The following SSH2 variants were observed in gnomAD, a reference collection of about 807,000 sequenced individuals.
SSH2 encodes protein phosphatase Slingshot homolog 2.
A neutral mutation model predicts 135.2 loss-of-function variants in SSH2; 37 were observed. The observed-to-expected ratio is 0.27, with a 90% CI of 0.21 to 0.36. The LOEUF is 0.36. Ranked by LOEUF, SSH2 falls within the 10% of genes least tolerant of loss-of-function variation. SSH2 has a pLI of 1.00. For synonymous variants in SSH2, 628 were observed against 646.2 expected, an observed-to-expected ratio of 0.97 and a Z score of 0.43; for missense variants, 1,408 against 1,765.3, an observed-to-expected ratio of 0.80 and a Z score of 3.63.
At chr17:29,913,695 C>T (rs1043151694) in intron 1 of SSH2, among the ~76,000 whole-genome samples, 9 of 151,058 alleles carry the variant, frequency 6.0e-5, no homozygotes, top group African/African-American at 2.2e-4. Flanking sequence ...AGTACAATGG[C>T]GCAATCTCGG....
chr17:29,848,469 T>C (rs1202256753), intron 2 of SSH2, among the ~76,000 whole-genome samples: 1 of 151,962 alleles, frequency 6.6e-6, no homozygotes, highest in Non-Finnish European at 1.5e-5. Flanking sequence ...GCAGCACCAA[T>C]ACCAAGCAGT....
chr17:29,867,623 A>G (rs2065875330), intron 1 of SSH2, among the ~76,000 whole-genome samples: 1 of 152,226 alleles, frequency 6.6e-6, no homozygotes, highest in Non-Finnish European at 1.5e-5. Flanking sequence ...CATCTGAAGA[A>G]AAGAAGACAC....
intron 2 of SSH2, among the ~76,000 whole-genome samples, chr17:29,809,071 T>C (rs967488202): frequency 2.0e-5 from 3 of 152,136 alleles, no homozygotes; most frequent in Non-Finnish European, 2.9e-5. Flanking sequence ...CTGGCCAACA[T>C]GGCAAAACTT....
intron 3 of SSH2, among the ~76,000 whole-genome samples, chr17:29,793,216 T>C (rs2042102028): frequency 6.6e-6 from 1 of 152,158 alleles, no homozygotes; most frequent in Non-Finnish European, 1.5e-5. Flanking sequence ...CTCACAATTG[T>C]TTTCTTTTAA....
At chr17:29,852,597 G>A (rs988210029) in intron 1 of SSH2, among the ~76,000 whole-genome samples, 1 of 151,270 alleles carries the variant, frequency 6.6e-6, no homozygotes, top group South Asian at 2.1e-4. Flanking sequence ...TGTCATCCAG[G>A]CTGGAGTACA....
intron 4 of SSH2, among the ~76,000 whole-genome samples, chr17:29,699,826 T>C (rs996382190): frequency 2.0e-5 from 3 of 152,154 alleles, no homozygotes; most frequent in African/African-American, 7.2e-5. Flanking sequence ...TTCAAGTTTT[T>C]TGGGGAAGTG....
chr17:29,714,866 T>G, intron 3 of SSH2, among the ~76,000 whole-genome samples: 1 of 152,072 alleles, frequency 6.6e-6, no homozygotes, highest in Non-Finnish European at 1.5e-5. Context: ...TTCTTTCTTT[T>G]TTTCTTTTTT....
Position 29,793,878 on chromosome 17 carries a change from T to C in SSH2, c.188+16A>G. ...CCTACAACAAAAATGCCGTAGGATA[T>C]AATGAACAAACATACCTCCTGGGCT... On this transcript the variant is annotated intron_variant, in intron 3 of 15. Transcript: ENST00000540801. 6.2e-7 allele frequency: 1 copy of C among 1,608,960 alleles called. No homozygotes were observed. Among genetic ancestry groups the C allele is most frequent in the South Asian group, 1.1e-5 (1 of 90,872 alleles).
intron 2 of SSH2, among the ~76,000 whole-genome samples, chr17:29,837,174 T>A (rs1158159508): frequency 3.3e-5 from 5 of 151,820 alleles, no homozygotes; most frequent in Non-Finnish European, 7.4e-5. Flanking sequence ...GGAGAATCAC[T>A]TGAACCTGGG....
intron 3 of SSH2, among the ~76,000 whole-genome samples, chr17:29,740,041 ACTG>A (rs1278471783): frequency 6.6e-6 from 1 of 152,208 alleles, no homozygotes; most frequent in Non-Finnish European, 1.5e-5. Context: ...TGTCAAAACA[ACTG>A]CTTTCTCCTT....
At chr17:29,823,878 C>CA (rs60064865) in intron 2 of SSH2, among the ~76,000 whole-genome samples, 44,392 of 84,804 alleles carry the variant, frequency 0.52, 10,963 homozygotes, top group East Asian at 0.71. Flanking sequence ...GACTCTGTCT[C>CA]AAAAAAAAAA....
chr17:29,927,120 A>G (rs1181848113), intron 1 of SSH2, among the ~76,000 whole-genome samples: 1 of 152,222 alleles, frequency 6.6e-6, no homozygotes, highest in Non-Finnish European at 1.5e-5. Flanking sequence ...AGCGCTTAAC[A>G]TGATGCCTGG....
At chr17:29,793,636 T>C in intron 3 of SSH2, 1 of 304,128 alleles carries the variant, frequency 3.3e-6, no homozygotes, top group Non-Finnish European at 6.1e-6. Flanking sequence ...CTCTTACTCT[T>C]TTTTTTTTTA....
At chr17:29,705,576 C>T (rs2039165203) in intron 3 of SSH2, among the ~76,000 whole-genome samples, 1 of 152,262 alleles carries the variant, frequency 6.6e-6, no homozygotes, top group African/African-American at 2.4e-5. Context: ...GTGTCACTTC[C>T]CTGCTTAAAA....
intron 3 of SSH2, chr17:29,761,284 G>A (rs1366533534): frequency 6.2e-6 from 8 of 1,284,828 alleles, no homozygotes; most frequent in Non-Finnish European, 8.1e-6. Flanking sequence ...TCATGGGGCC[G>A]GCTCAAAGTG....
chr17:29,845,917 C>T (rs149932983), intron 2 of SSH2, among the ~76,000 whole-genome samples: 21 of 152,190 alleles, frequency 1.4e-4, no homozygotes, highest in South Asian at 8.3e-4. Flanking sequence ...CTTTTCCCCA[C>T]GCGTCCAACT....
intron 3 of SSH2, among the ~76,000 whole-genome samples, chr17:29,709,759 T>C (rs1598853475): frequency 6.6e-6 from 1 of 152,086 alleles, no homozygotes; most frequent in Non-Finnish European, 1.5e-5. Context: ...TCCCCACCAC[T>C]TCCCCAACAA....
Position 29,632,765 on chromosome 17 carries a change from T to C in SSH2, c.2429A>G (p.Asn810Ser). 1 of 1,614,144 alleles carries C rather than the reference T, an allele frequency of 6.2e-7. No homozygotes were observed. The highest frequency in any genetic ancestry group is 1.1e-5 in the South Asian group (1 of 91,088). The change falls in exon 16 of 16, where the codon AAC (asparagine) becomes AGC (serine). Residue 810 changes from asparagine (N) to serine (S), a missense_variant. Asn to Ser is a conservative substitution (Grantham distance 46, BLOSUM62 1). This residue lies in a region of SSH2 where 1,080 missense variants were observed against 1,144.5 expected (regional missense o/e 0.94). Transcript: ENST00000540801. ...CTCAAGGAGCAGCTCATGGATGCTG[T>C]TCTTCTTTGGTGTATGGCATGGGTT... ...LPNPCHTPKKNSIHELLLERA... is the reference protein window; with the variant it reads ...LPNPCHTPKKSSIHELLLERA...
rs945102622 is a variant in SSH2, at chr17:29,882,811, CA to C, written c.64-33883del. Among the ~76,000 whole-genome samples, 30 of 152,232 alleles carry C rather than the reference CA, an allele frequency of 2.0e-4. No homozygotes were observed. In the East Asian group the frequency reaches 5.0e-3, roughly 25 times the overall value. ...AGCTGGAAGTCTACCAAGTTATCAT[CA>C]AAGACAATTTTTTTCTTTTTAAAAA... On this transcript the variant is annotated intron_variant, in intron 1 of 15. Coordinates refer to ENST00000540801, the MANE Select transcript of SSH2 (RefSeq NM_001282129.2).
Sources: gnomAD v4.1 joint callset for allele counts (sites outside exome capture counted in the v4.1 genomes callset) on GRCh38, gnomAD v4.1.1 for gene constraint, gnomAD v4.1.1 regional missense constraint, MANE v1.5 for transcripts, NCBI Gene and HGNC (gene_info 2026-07-23, HGNC 2026-07-21) for gene names.